TRMT11: variants seen among roughly 807,000 people sequenced by gnomAD.
TRMT11 encodes the protein tRNA (guanine(10)-N(2))-methyltransferase TRMT11.
In TRMT11, 53 loss-of-function variants were observed where a neutral mutation model predicts 62.8. That is an observed-to-expected ratio of 0.84 (90% CI 0.68 to 1.06). The LOEUF (loss-of-function observed/expected upper bound fraction) is 1.06. Ranked by LOEUF, TRMT11 falls within the 50% of genes least tolerant of loss-of-function variation. The pLI is 0.00. For missense variants in TRMT11, 556 were observed against 553.4 expected, an observed-to-expected ratio of 1.00 and a Z score of -0.05; for synonymous variants, 188 against 190.3, an observed-to-expected ratio of 0.99 and a Z score of 0.10.
At chr6:126,057,831 G>C (rs1776414516) in intron 17 of TRMT11, among the ~76,000 whole-genome samples, 1 of 152,168 alleles carries the variant, frequency 6.6e-6, no homozygotes, top group African/African-American at 2.4e-5. Flanking sequence ...TGGCCTAAGA[G>C]ATTACCTCTT....
intron 17 of TRMT11, among the ~76,000 whole-genome samples, chr6:126,090,109 T>A (rs1035991841): frequency 2.0e-5 from 3 of 152,198 alleles, no homozygotes; most frequent in African/African-American, 7.2e-5. Flanking sequence ...CCTTATTGAA[T>A]TCTTTTCACC....
the TRMT11 span, among the ~76,000 whole-genome samples, chr6:126,269,875 A>T: frequency 6.6e-6 from 1 of 152,202 alleles, no homozygotes; most frequent in East Asian, 1.9e-4. Flanking sequence ...ATTTTTTCAG[A>T]AAGAAACATA....
At chr6:126,056,421 A>G (rs1014776969) in intron 17 of TRMT11, among the ~76,000 whole-genome samples, 22 of 152,074 alleles carry the variant, frequency 1.4e-4, no homozygotes, top group African/African-American at 4.8e-4. Flanking sequence ...TAAAAGGTAG[A>G]TTTATTTTCT....
At chr6:126,126,791 G>A (rs1425352963) in intron 21 of TRMT11, among the ~76,000 whole-genome samples, 1 of 152,090 alleles carries the variant, frequency 6.6e-6, no homozygotes, top group Non-Finnish European at 1.5e-5. Flanking sequence ...GATCAAAAAA[G>A]AGGGTTCAAA....
At chr6:126,170,566 A>G (rs1490717789) in intron 21 of TRMT11, among the ~76,000 whole-genome samples, 1 of 151,570 alleles carries the variant, frequency 6.6e-6, no homozygotes, top group African/African-American at 2.4e-5. Flanking sequence ...ATTTTTTTTT[A>G]TCTAGTAAAG....
chr6:126,097,250 T>C (rs1052695542), intron 17 of TRMT11, among the ~76,000 whole-genome samples: 6 of 152,162 alleles, frequency 3.9e-5, no homozygotes, highest in African/African-American at 1.4e-4. Context: ...CCTGGGAAGG[T>C]AATCTTTCTG....
intron 17 of TRMT11, among the ~76,000 whole-genome samples, chr6:126,063,381 T>A (rs2128129680): frequency 6.6e-6 from 1 of 152,348 alleles, no homozygotes; most frequent in South Asian, 2.1e-4. Flanking sequence ...TAAATTTCCC[T>A]AAGAATGTGG....
chr6:126,141,427 C>A (rs145936123), intron 21 of TRMT11, among the ~76,000 whole-genome samples: 1 of 152,066 alleles, frequency 6.6e-6, no homozygotes, highest in South Asian at 2.1e-4. Context: ...TGTTGTCTTA[C>A]TGTAATTGTA....
At chr6:126,024,927 C>T (rs1021015646) in intron 12 of TRMT11, among the ~76,000 whole-genome samples, 4 of 152,198 alleles carry the variant, frequency 2.6e-5, no homozygotes, top group African/African-American at 9.6e-5. Context: ...TAGTAACTAA[C>T]ATTTATGTGC....
intron 18 of TRMT11, among the ~76,000 whole-genome samples, chr6:126,113,442 T>TA (rs1777553784): frequency 1.3e-5 from 2 of 152,052 alleles, no homozygotes; most frequent in South Asian, 4.1e-4. Flanking sequence ...GTGGAGTGAG[T>TA]TCCTGATCTG....
chr6:126,266,563 G>A, the TRMT11 span, among the ~76,000 whole-genome samples: 1 of 152,002 alleles, frequency 6.6e-6, no homozygotes, highest in Non-Finnish European at 1.5e-5. Context: ...TCTTAATATG[G>A]GACTGCCCTT....
intron 16 of TRMT11, among the ~76,000 whole-genome samples, chr6:126,052,923 G>A (rs1776259627): frequency 6.6e-6 from 1 of 152,128 alleles, no homozygotes; most frequent in Non-Finnish European, 1.5e-5. Context: ...GGGTTCCTAA[G>A]GAAACAAGAA....
intron 12 of TRMT11, among the ~76,000 whole-genome samples, chr6:126,027,403 A>C (rs1264978961): frequency 3.3e-5 from 5 of 152,216 alleles, no homozygotes; most frequent in Non-Finnish European, 7.3e-5. Context: ...CAAAAAATTC[A>C]TGCAACTTTT....
intron 20 of TRMT11, among the ~76,000 whole-genome samples, chr6:126,115,732 T>C (rs1777579224): frequency 6.6e-6 from 1 of 152,124 alleles, no homozygotes; most frequent in Non-Finnish European, 1.5e-5. Flanking sequence ...TGGGTTTTTT[T>C]CACCATCTAG....
intron 1 of TRMT11, among the ~76,000 whole-genome samples, chr6:125,987,377 A>G (rs962733093): frequency 1.9e-4 from 29 of 152,310 alleles, no homozygotes; most frequent in African/African-American, 7.0e-4. Flanking sequence ...TAGAATTACA[A>G]GGTGTTCATT....
At chr6:126,265,539 T>TTAACTATATAAAACTATAAAA in the TRMT11 span, among the ~76,000 whole-genome samples, 1 of 152,148 alleles carries the variant, frequency 6.6e-6, no homozygotes, top group African/African-American at 2.4e-5. Flanking sequence ...AACAGTAGCA[T>TTAACTATATAAAACTATAAAA]TGAAGAATTA....
At chr6:126,149,448 A>G (rs1778012899) in intron 21 of TRMT11, among the ~76,000 whole-genome samples, 1 of 152,182 alleles carries the variant, frequency 6.6e-6, no homozygotes, top group African/African-American at 2.4e-5. Flanking sequence ...TTTCAGTGAT[A>G]TTATTTAATA....
intron 17 of TRMT11, among the ~76,000 whole-genome samples, chr6:126,110,796 T>G (rs1221576339): frequency 1.3e-5 from 2 of 152,152 alleles, no homozygotes; most frequent in African/African-American, 4.8e-5. Flanking sequence ...CATTGCTATT[T>G]GTATCTATTG....
chr6:126,238,596 T>C, the TRMT11 span, among the ~76,000 whole-genome samples: 5 of 152,284 alleles, frequency 3.3e-5, 1 homozygote, highest in South Asian at 8.3e-4. Context: ...TAATTTCTGT[T>C]CTTTTACATT....
Sources: allele counts gnomAD v4.1 joint callset (sites outside exome capture counted in the v4.1 genomes callset), GRCh38; gene constraint gnomAD v4.1.1; transcripts MANE v1.5; gene names NCBI Gene and HGNC (gene_info 2026-07-23, HGNC 2026-07-21).